Variants in ARHGAP24 observed in about 807,000 individuals in gnomAD.
ARHGAP24 encodes the protein rho GTPase-activating protein 24.
A neutral mutation model predicts 76.4 loss-of-function variants in ARHGAP24; 50 were observed. The observed-to-expected ratio is 0.65, with a 90% CI of 0.52 to 0.83. The LOEUF is 0.83. Among genes scored for constraint, ARHGAP24 ranks in the 40% least tolerant of loss-of-function variants. The probability of loss-of-function intolerance (pLI) is 0.00; values close to 1 mark genes in which losing one functional copy is unlikely to be tolerated. For missense variants in ARHGAP24, 930 were observed against 914.2 expected (o/e 1.02, Z -0.22); for synonymous variants, 345 against 323.3 (o/e 1.07, Z -0.72).
chr4:85,498,670 G>C (rs937232258), intron 1 of ARHGAP24, among the ~76,000 whole-genome samples: 8 of 152,212 alleles, frequency 5.3e-5, no homozygotes, highest in Admixed American at 5.2e-4. Flanking sequence ...CTAAAGCCTA[G>C]AGAAGAATTA....
At chr4:85,521,867 G>T (rs1014182412) in intron 1 of ARHGAP24, among the ~76,000 whole-genome samples, 2 of 152,048 alleles carry the variant, frequency 1.3e-5, no homozygotes, top group Non-Finnish European at 2.9e-5. Flanking sequence ...TATTATTGAC[G>T]ATCAAGAGCA....
intron 2 of ARHGAP24, among the ~76,000 whole-genome samples, chr4:85,705,622 G>C (rs1026449277): frequency 6.6e-6 from 1 of 152,156 alleles, no homozygotes; most frequent in African/African-American, 2.4e-5. Flanking sequence ...ATCGTGTTCA[G>C]CTATCAACGG....
At chr4:85,923,818 T>C (rs752588531) in intron 4 of ARHGAP24, 48 bp downstream of exon 4, 4 of 1,612,916 alleles carry the variant, frequency 2.5e-6, no homozygotes, top group Admixed American at 3.3e-5. Context: ...AGACCAAACC[T>C]GTTCATCCCT....
intron 3 of ARHGAP24, among the ~76,000 whole-genome samples, chr4:85,779,505 T>C (rs534163783): frequency 3.3e-5 from 5 of 152,326 alleles, no homozygotes; most frequent in African/African-American, 1.2e-4. Context: ...TATTTTGAAT[T>C]GGGGTTTTTG....
At chr4:85,546,018 C>T (rs1161322007) in intron 1 of ARHGAP24, among the ~76,000 whole-genome samples, 5 of 152,138 alleles carry the variant, frequency 3.3e-5, no homozygotes, top group Non-Finnish European at 7.4e-5. Flanking sequence ...TGTTTTAAAA[C>T]AGCCACTTAT....
In ARHGAP24 at chr4:85,537,723, G is replaced by A. The variant is rs1014069812; in HGVS notation, c.-20-32799G>A. Among the ~76,000 whole-genome samples, 14 of 152,246 alleles carry A rather than the reference G, an allele frequency of 9.2e-5. No individual in the cohort carries two copies. The East Asian group carries it at 1.9e-3, about 21-fold the overall frequency. On this transcript the variant is annotated intron_variant, in intron 1 of 9. Transcript: ENST00000395184. ...CGGCAATGCTATCTGGCCATTAGTG[G>A]CCAGCATACCACTAAAGGAAAATAT...
rs1314619351 is a variant in ARHGAP24, at chr4:85,500,815, C to T, written c.-21+25256C>T. 4.6e-5 allele frequency among the ~76,000 whole-genome samples: 7 copies of T among 152,196 alleles called. No individual in the cohort carries two copies. The South Asian group carries it at 8.3e-4, about 18-fold the overall frequency. ...ATGTGCCATGTTGGTTTGCTGCACC[C>T]ATCCACTCGTCATTTACATTAGGTA... is the stretch of plus-strand genomic sequence containing the variant. On this transcript the variant is annotated intron_variant, in intron 1 of 9. Coordinates refer to ENST00000395184, the MANE Select transcript of ARHGAP24 (RefSeq NM_001025616.3).
intron 6 of ARHGAP24, among the ~76,000 whole-genome samples, chr4:85,973,830 A>ATTGTT (rs1739135624): frequency 2.7e-5 from 1 of 36,966 alleles, no homozygotes; most frequent in Non-Finnish European, 4.5e-5. Flanking sequence ...ACTGCTGCCT[A>ATTGTT]TTGTTTTTTT....
At chr4:85,504,794 G>A (rs1723969294) in intron 1 of ARHGAP24, among the ~76,000 whole-genome samples, 2 of 152,160 alleles carry the variant, frequency 1.3e-5, no homozygotes, top group Admixed American at 1.3e-4. Context: ...CCTGTTAATT[G>A]ATGCAGTTTC....
chr4:85,835,157 A>T (rs1256088289), intron 3 of ARHGAP24, among the ~76,000 whole-genome samples: 1 of 151,844 alleles, frequency 6.6e-6, no homozygotes, highest in Non-Finnish European at 1.5e-5. Context: ...AGATTAGCAT[A>T]CCTCACTCTT....
chr4:85,883,068 G>A (rs1733352269), intron 3 of ARHGAP24, among the ~76,000 whole-genome samples: 1 of 152,126 alleles, frequency 6.6e-6, no homozygotes, highest in Non-Finnish European at 1.5e-5. Context: ...CAAATCAGCA[G>A]GGATACTTCT....
chr4:85,591,476 T>A (rs905147190), intron 2 of ARHGAP24, among the ~76,000 whole-genome samples: 19 of 152,030 alleles, frequency 1.2e-4, no homozygotes, highest in African/African-American at 4.6e-4. Flanking sequence ...AATTAGGGAG[T>A]GAGTCTGGGA....
chr4:85,677,877 A>G (rs1482898934), intron 2 of ARHGAP24, among the ~76,000 whole-genome samples: 2 of 152,100 alleles, frequency 1.3e-5, no homozygotes, highest in Non-Finnish European at 2.9e-5. Flanking sequence ...GCAAGACCCT[A>G]TCTCTATAGA....
chr4:85,481,638 A>G (rs2110087366), intron 1 of ARHGAP24, among the ~76,000 whole-genome samples: 2 of 152,352 alleles, frequency 1.3e-5, no homozygotes, highest in African/African-American at 4.8e-5. Context: ...TGAACAGGAA[A>G]GGTGTGGTCC....
At chr4:85,818,495 G>A (rs1729337107) in intron 3 of ARHGAP24, among the ~76,000 whole-genome samples, 1 of 152,166 alleles carries the variant, frequency 6.6e-6, no homozygotes, top group Non-Finnish European at 1.5e-5. Context: ...TGACTTCTGA[G>A]GTCAAATAGG....
chr4:85,561,884 G>A (rs369707314), intron 1 of ARHGAP24, among the ~76,000 whole-genome samples: 24 of 152,238 alleles, frequency 1.6e-4, no homozygotes, highest in Non-Finnish European at 2.1e-4. Flanking sequence ...AGGGATTCTC[G>A]TGTGCTGTGG....
intron 3 of ARHGAP24, among the ~76,000 whole-genome samples, chr4:85,897,108 A>G (rs983527418): frequency 1.1e-4 from 16 of 152,184 alleles, no homozygotes; most frequent in Admixed American, 5.9e-4. Flanking sequence ...CATTCCCATG[A>G]AAAGACTTGA....
At chr4:85,608,560 T>G (rs1329896929) in intron 2 of ARHGAP24, among the ~76,000 whole-genome samples, 2 of 131,324 alleles carry the variant, frequency 1.5e-5, no homozygotes, top group South Asian at 5.4e-4. Flanking sequence ...TGTTTTTTTT[T>G]TTTTTTTTTT....
chr4:85,675,730 A>C (rs1010088353), intron 2 of ARHGAP24, among the ~76,000 whole-genome samples: 1 of 152,176 alleles, frequency 6.6e-6, no homozygotes, highest in African/African-American at 2.4e-5. Flanking sequence ...TTTGCTTGAC[A>C]TTATGTTGAG....
Sources: gnomAD v4.1 joint callset for allele counts (sites outside exome capture counted in the v4.1 genomes callset) on GRCh38, gnomAD v4.1.1 for gene constraint, MANE v1.5 for transcripts, NCBI Gene and HGNC (gene_info 2026-07-23, HGNC 2026-07-21) for gene names.